Variants in HEATR1 observed in about 807,000 individuals in gnomAD.
The protein encoded by HEATR1 is HEAT repeat-containing protein 1.
HEATR1 carries 77 observed loss-of-function variants against 248.2 expected under a neutral mutation model. The ratio of observed to expected loss-of-function variants is 0.31; its 90% confidence interval spans 0.26 to 0.37. The LOEUF (loss-of-function observed/expected upper bound fraction) is 0.37, where lower values mean the gene tolerates loss of function less well. HEATR1 is among the 10% of genes least tolerant of loss of function. The pLI is 1.00. For missense variants in HEATR1, 2,420 were observed against 2,504.9 expected (o/e 0.97, Z 0.72); for synonymous variants, 897 against 923.1 (o/e 0.97, Z 0.51).
chr1:236,574,024 G>A (rs757323741), intron 24 of HEATR1, 178 bp downstream of exon 24: 32 of 445,332 alleles, frequency 7.2e-5, no homozygotes, highest in Admixed American at 2.4e-4. Flanking sequence ...ATAAAATAAT[G>A]GTAAAGATTT....
At chr1:236,564,416 C>T (rs1342844967) in intron 32 of HEATR1, 82 bp downstream of exon 32, 2 of 1,237,248 alleles carry the variant, frequency 1.6e-6, no homozygotes, top group African/African-American at 3.0e-5. Context: ...GAGCCATTTA[C>T]CAAGCTACTT....
Position 236,569,067 on chromosome 1 carries a change from G to A in HEATR1, c.4006C>T (p.Arg1336Cys), listed in dbSNP as rs376322680. 100 of 1,608,018 alleles carry A rather than the reference G, an allele frequency of 6.2e-5. No individual in the cohort carries two copies. Among genetic ancestry groups the A allele is most frequent in the Middle Eastern group, 1.6e-4 (1 of 6,064 alleles). ...IFTFMGANVM[R>C]LDDTYSFQVI... ...TGAAAACTGTAAGTATCATCTAGGC[G>A]CATGACATTGGCTCCCATAAATGTA... Residue 1336 changes from arginine (R) to cysteine (C), a missense_variant, in exon 29 of 45, where the codon CGC becomes TGC. Coordinates refer to ENST00000366582, the MANE Select transcript of HEATR1 (RefSeq NM_018072.6).
intron 2 of HEATR1, 67 bp from the exon 3 acceptor site, chr1:236,603,443 T>C (rs1458671936): frequency 7.1e-6 from 9 of 1,275,008 alleles, no homozygotes; most frequent in East Asian, 2.3e-5. Context: ...ACCCCTCTTT[T>C]ACAGTTTTAC....
intron 12 of HEATR1, 68 bp from the exon 13 acceptor site, chr1:236,588,111 G>C: frequency 8.3e-7 from 1 of 1,210,354 alleles, no homozygotes; most frequent in Non-Finnish European, 1.2e-6. Context: ...GCACTAGAAA[G>C]GAAGTATGGT....
chr1:236,587,866 C>G, intron 13 of HEATR1, 82 bp downstream of exon 13: 1 of 935,558 alleles, frequency 1.1e-6, no homozygotes, highest in Non-Finnish European at 1.6e-6. Flanking sequence ...CAAAAATATT[C>G]TAGTCTCAAG....
At chr1:236,571,324 C>T in intron 28 of HEATR1, 27 bp downstream of exon 28, 1 of 1,565,908 alleles carries the variant, frequency 6.4e-7, no homozygotes, top group East Asian at 2.3e-5. Context: ...GAAATATCTG[C>T]TAAAATCTTA....
chr1:236,575,780 AG>A (rs1663548356), intron 22 of HEATR1, among the ~76,000 whole-genome samples: 1 of 152,232 alleles, frequency 6.6e-6, no homozygotes, highest in South Asian at 2.1e-4. Context: ...TTGTAACACA[AG>A]CTTCTTCGAA....
At chr1:236,571,508 A>G in intron 27 of HEATR1, 36 bp from the exon 28 acceptor site, 1 of 1,613,304 alleles carries the variant, frequency 6.2e-7, no homozygotes. Flanking sequence ...CCTAAGTGGC[A>G]GGTACACTCA....
intron 31 of HEATR1, among the ~76,000 whole-genome samples, chr1:236,565,004 G>T (rs188785762): frequency 1.4e-4 from 21 of 152,294 alleles, no homozygotes; most frequent in African/African-American, 4.8e-4. Flanking sequence ...ATGTAAATGG[G>T]GTTGGCAGTG....
intron 16 of HEATR1, among the ~76,000 whole-genome samples, chr1:236,585,520 TAAC>T (rs545186141): frequency 6.6e-6 from 1 of 152,224 alleles, no homozygotes; most frequent in South Asian, 2.1e-4. Flanking sequence ...TTTGCTATTT[TAAC>T]AACAACAACA....
chr1:236,553,213 G>A (rs1662832609), intron 43 of HEATR1, among the ~76,000 whole-genome samples: 1 of 152,150 alleles, frequency 6.6e-6, no homozygotes, highest in Admixed American at 6.5e-5. Flanking sequence ...CTATAGTGTG[G>A]ATAAATTCAA....
Position 236,581,413 on chromosome 1 carries a change from A to C in HEATR1, c.2564T>G (p.Val855Gly), listed in dbSNP as rs1412121353. 5 of 1,464,254 alleles carry C rather than the reference A, an allele frequency of 3.4e-6. No homozygotes were observed. Among genetic ancestry groups the C allele is most frequent in the South Asian group, 2.9e-5 (2 of 68,924 alleles). 90.7% of individuals were successfully genotyped at this position (1,464,254 alleles called of 1,614,324 possible). A position where few individuals can be genotyped will look rare whatever the true frequency, so the allele number is the denominator to read the frequency against. ...TAACTGAAAAACATCTTCTAGATGC[A>C]CCTAATTAAAAAAAAAAAAAAGCAA... ...FRVLMKLFIK[V>G]HLEDVFQLFK... The change falls in exon 20 of 45, where the codon GTG (valine) becomes GGG (glycine). Residue 855 changes from valine to glycine, a missense_variant and splice_region_variant. Coordinates refer to ENST00000366582, the MANE Select transcript of HEATR1 (RefSeq NM_018072.6).
intron 22 of HEATR1, among the ~76,000 whole-genome samples, chr1:236,575,118 A>AACC (rs916206596): frequency 5.3e-5 from 8 of 152,208 alleles, no homozygotes; most frequent in Admixed American, 3.3e-4. Context: ...AAAAGTGCTA[A>AACC]ACCCTTCAGA....
intron 24 of HEATR1, among the ~76,000 whole-genome samples, chr1:236,573,264 T>C (rs2799428): frequency 4.6e-5 from 7 of 151,922 alleles, no homozygotes; most frequent in Non-Finnish European, 8.8e-5. Flanking sequence ...TACAGAATCA[T>C]CCATACCGAT....
chr1:236,583,478 A>G (rs1475238390), intron 17 of HEATR1, among the ~76,000 whole-genome samples: 1 of 133,582 alleles, frequency 7.5e-6, no homozygotes, highest in Non-Finnish European at 1.5e-5. Flanking sequence ...ATAAATAGGC[A>G]TATTTCTTTT....
chr1:236,558,000 G>A (rs1016144586), intron 36 of HEATR1, among the ~76,000 whole-genome samples: 3 of 152,152 alleles, frequency 2.0e-5, no homozygotes, highest in African/African-American at 4.8e-5. Context: ...GTGCAGTGGT[G>A]CAGTCATAGC....
At chr1:236,580,719 G>A (rs988325555) in intron 20 of HEATR1, among the ~76,000 whole-genome samples, 7 of 151,494 alleles carry the variant, frequency 4.6e-5, no homozygotes, top group African/African-American at 1.7e-4. Flanking sequence ...ATCTCATCAC[G>A]TTGTCCAAGC....
At chr1:236,576,710 G>T in intron 21 of HEATR1, 70 bp downstream of exon 21, 2 of 1,402,458 alleles carry the variant, frequency 1.4e-6, no homozygotes, top group Non-Finnish European at 1.9e-6. Context: ...GTGAAATGTC[G>T]AGAATGGAGA....
intron 31 of HEATR1, among the ~76,000 whole-genome samples, chr1:236,565,211 C>G (rs1473629376): frequency 6.6e-6 from 1 of 152,242 alleles, no homozygotes; most frequent in Non-Finnish European, 1.5e-5. Flanking sequence ...GCTGGCCACG[C>G]AGAAAACAGT....
Sources: allele counts gnomAD v4.1 joint callset (sites outside exome capture counted in the v4.1 genomes callset), GRCh38; gene constraint gnomAD v4.1.1; transcripts MANE v1.5; gene names NCBI Gene and HGNC (gene_info 2026-07-23, HGNC 2026-07-21).